GRID1: variants seen among roughly 807,000 people sequenced by gnomAD.
The protein encoded by GRID1 is glutamate receptor ionotropic, delta-1.
In GRID1, 28 loss-of-function variants were observed where a neutral mutation model predicts 98.0. The observed-to-expected ratio is 0.29, with a 90% CI of 0.21 to 0.39. The LOEUF is 0.39. Ranked by LOEUF, GRID1 falls within the 10% of genes least tolerant of loss-of-function variation. The pLI is 1.00. For synonymous variants in GRID1, 553 were observed against 538.5 expected (o/e 1.03, Z -0.37); for missense variants, 1,111 against 1,340.5 (o/e 0.83, Z 2.67).
intron 4 of GRID1, among the ~76,000 whole-genome samples, chr10:85,969,125 T>C (rs1334431555): frequency 1.3e-5 from 2 of 152,210 alleles, no homozygotes; most frequent in African/African-American, 4.8e-5. Flanking sequence ...AAAGTGTCCA[T>C]CTATTAGGAA....
At chr10:85,666,391 C>T (rs1251711552) in intron 12 of GRID1, among the ~76,000 whole-genome samples, 1 of 152,182 alleles carries the variant, frequency 6.6e-6, no homozygotes, top group Non-Finnish European at 1.5e-5. Context: ...GGATAGGGAC[C>T]TCCCTCCAGG....
intron 5 of GRID1, among the ~76,000 whole-genome samples, chr10:85,907,278 A>AT (rs1180827697): frequency 2.0e-5 from 3 of 152,146 alleles, no homozygotes; most frequent in Non-Finnish European, 4.4e-5. Context: ...CACCTGGCTA[A>AT]TTTTTGCATT....
At chr10:86,082,850 A>T (rs1047117930) in intron 4 of GRID1, among the ~76,000 whole-genome samples, 3 of 152,124 alleles carry the variant, frequency 2.0e-5, no homozygotes, top group African/African-American at 4.8e-5. Context: ...CATTCTCTGA[A>T]ATGTGGCTCA....
chr10:86,250,026 T>G (rs1846795552), intron 2 of GRID1, among the ~76,000 whole-genome samples: 1 of 150,394 alleles, frequency 6.6e-6, no homozygotes, highest in Non-Finnish European at 1.5e-5. Flanking sequence ...GATGAATGGG[T>G]GGGTAGTTGG....
intron 13 of GRID1, among the ~76,000 whole-genome samples, chr10:85,640,137 C>T (rs1453070933): frequency 6.6e-6 from 1 of 152,192 alleles, no homozygotes; most frequent in East Asian, 1.9e-4. Context: ...GAAGATGCTA[C>T]TCAAACTACA....
rs533309001 is a variant in GRID1, at chr10:85,708,116, A to T, written c.1997+14887T>A. Among the ~76,000 whole-genome samples the T allele has an allele frequency of 4.0e-3, 439 of 110,734 alleles. 3 individuals carry two copies. Among genetic ancestry groups the T allele is most frequent in the African/African-American group, 0.015 (320 of 21,494 alleles). 72.6% of individuals were successfully genotyped at this position (110,734 alleles called of 152,430 possible). ...TACCCTAAAACTTAAAGTATAATAA[A>T]AAAAAAAAAAAAAAACACAAGATTA... On this transcript the variant is annotated intron_variant, in intron 12 of 15. Transcript: ENST00000327946.
At chr10:85,637,285 A>C (rs1843056900) in intron 13 of GRID1, among the ~76,000 whole-genome samples, 2 of 152,248 alleles carry the variant, frequency 1.3e-5, no homozygotes, top group Admixed American at 1.3e-4. Flanking sequence ...ATGGGAACTT[A>C]TTGCATGTAA....
chr10:86,197,278 A>G (rs2132012618), intron 3 of GRID1, among the ~76,000 whole-genome samples: 1 of 152,258 alleles, frequency 6.6e-6, no homozygotes, highest in East Asian at 1.9e-4. Flanking sequence ...TCCCAGGCAG[A>G]GGAAACAGCC....
chr10:86,288,354 C>T (rs1847465300), intron 2 of GRID1, among the ~76,000 whole-genome samples: 1 of 152,202 alleles, frequency 6.6e-6, no homozygotes, highest in South Asian at 2.1e-4. Flanking sequence ...AATAACGGCA[C>T]CTGCTGTTTG....
At chr10:85,900,867 G>A (rs1052853558) in intron 5 of GRID1, among the ~76,000 whole-genome samples, 9 of 152,206 alleles carry the variant, frequency 5.9e-5, no homozygotes, top group African/African-American at 1.9e-4. Context: ...GGGAGGGAGA[G>A]AGGCCATGAA....
intron 2 of GRID1, among the ~76,000 whole-genome samples, chr10:86,313,774 C>T (rs1185651861): frequency 1.3e-5 from 2 of 152,336 alleles, no homozygotes; most frequent in Non-Finnish European, 2.9e-5. Context: ...TGCGCTGGGG[C>T]GTCCCACTCT....
chr10:85,620,070 T>C, intron 13 of GRID1, 37 bp from the exon 14 acceptor site: 1 of 1,575,572 alleles, frequency 6.3e-7, no homozygotes, highest in South Asian at 1.1e-5. Flanking sequence ...CAGGCAGTCC[T>C]GGCCAGCTGT....
chr10:86,033,506 T>C (rs1013077650), intron 4 of GRID1, among the ~76,000 whole-genome samples: 3 of 152,182 alleles, frequency 2.0e-5, no homozygotes, highest in African/African-American at 4.8e-5. Context: ...CTTTCAAAAA[T>C]ACAATCAAAC....
At chr10:85,823,264 G>C (rs909403735) in intron 8 of GRID1, among the ~76,000 whole-genome samples, 1 of 151,270 alleles carries the variant, frequency 6.6e-6, no homozygotes, top group African/African-American at 2.4e-5. Flanking sequence ...GTTGCTAAAA[G>C]TCACTGAAAT....
At chr10:85,979,301 G>T (rs1842513420) in intron 4 of GRID1, among the ~76,000 whole-genome samples, 1 of 152,152 alleles carries the variant, frequency 6.6e-6, no homozygotes, top group Admixed American at 6.5e-5. Flanking sequence ...GTGAGGTCTT[G>T]GAGGTCCCCA....
intron 12 of GRID1, among the ~76,000 whole-genome samples, chr10:85,691,929 G>A (rs543239019): frequency 1.3e-5 from 2 of 151,940 alleles, no homozygotes; most frequent in South Asian, 2.1e-4. Flanking sequence ...TTCTGCAGTC[G>A]GGGTCCCACT....
intron 8 of GRID1, among the ~76,000 whole-genome samples, chr10:85,758,236 C>A (rs1590219157): frequency 6.6e-6 from 1 of 152,172 alleles, no homozygotes; most frequent in African/African-American, 2.4e-5. Flanking sequence ...CAAATAATTG[C>A]AAAACTTAGT....
At chr10:86,000,026 A>G (rs1340490096) in intron 4 of GRID1, among the ~76,000 whole-genome samples, 1 of 152,246 alleles carries the variant, frequency 6.6e-6, no homozygotes, top group African/African-American at 2.4e-5. Flanking sequence ...CAAAGAAAGA[A>G]GTAAAACTGT....
At chr10:85,909,918 C>A (rs1841514367) in intron 5 of GRID1, among the ~76,000 whole-genome samples, 1 of 152,098 alleles carries the variant, frequency 6.6e-6, no homozygotes, top group South Asian at 2.1e-4. Flanking sequence ...TCAATTAAAC[C>A]TCAACAAAGC....
Sources: allele counts gnomAD v4.1 joint callset (sites outside exome capture counted in the v4.1 genomes callset), GRCh38; gene constraint gnomAD v4.1.1; transcripts MANE v1.5; gene names NCBI Gene and HGNC (gene_info 2026-07-23, HGNC 2026-07-21).